RBFOX1: variants seen among roughly 807,000 people sequenced by gnomAD.
The protein encoded by RBFOX1 is RNA binding fox-1 homolog 1.
RBFOX1 carries 8 observed loss-of-function variants against 57.7 expected under a neutral mutation model. The ratio of observed to expected loss-of-function variants is 0.14; its 90% CI spans 0.08 to 0.25. RBFOX1 has a LOEUF of 0.25. Among genes scored for constraint, RBFOX1 ranks in the 10% least tolerant of loss-of-function variants. The pLI, the probability that RBFOX1 is intolerant of heterozygous loss-of-function variation, is 1.00. For synonymous variants in RBFOX1, 326 were observed against 222.4 expected (o/e 1.47, Z -4.15); for missense variants, 611 against 548.5 (o/e 1.11, Z -1.14).
intron 3 of RBFOX1, among the ~76,000 whole-genome samples, chr16:6,969,593 A>T (rs961575388): frequency 2.0e-5 from 3 of 151,936 alleles, no homozygotes; most frequent in African/African-American, 7.3e-5. Flanking sequence ...ATAAAAAAAA[A>T]ATTAGTTGGG....
chr16:5,738,735 G>A (rs891653390), intron 3 of RBFOX1, among the ~76,000 whole-genome samples: 1 of 151,976 alleles, frequency 6.6e-6, no homozygotes, highest in African/African-American at 2.4e-5. Context: ...ATTTGAATTG[G>A]GAGCTGGAGT....
intron 4 of RBFOX1, among the ~76,000 whole-genome samples, chr16:6,012,531 C>T (rs571697259): frequency 6.6e-6 from 1 of 152,262 alleles, no homozygotes; most frequent in East Asian, 1.9e-4. Flanking sequence ...CCCAGGGAGT[C>T]CCTCCACAGC....
intron 1 of RBFOX1, among the ~76,000 whole-genome samples, chr16:5,385,126 T>C (rs550003821): frequency 5.9e-5 from 9 of 152,370 alleles, no homozygotes; most frequent in African/African-American, 2.2e-4. Flanking sequence ...AAATATGTAT[T>C]ATGTGCTTAC....
chr16:6,460,362 G>T (rs1051258764), intron 2 of RBFOX1, among the ~76,000 whole-genome samples: 4 of 151,726 alleles, frequency 2.6e-5, no homozygotes, highest in Non-Finnish European at 5.9e-5. Context: ...TCTGACAAAG[G>T]TCTAATATCC....
At chr16:5,594,196 C>G (rs2047106221) in intron 2 of RBFOX1, among the ~76,000 whole-genome samples, 1 of 152,132 alleles carries the variant, frequency 6.6e-6, no homozygotes, top group African/African-American at 2.4e-5. Context: ...TTCTGTTAAC[C>G]TGTAGGATGG....
intron 2 of RBFOX1, among the ~76,000 whole-genome samples, chr16:6,646,547 A>G (rs988369899): frequency 2.6e-5 from 4 of 152,040 alleles, no homozygotes; most frequent in East Asian, 1.9e-4. Flanking sequence ...GTTGATTAAC[A>G]CCTGCCACTT....
chr16:6,475,943 T>G (rs561346725), intron 2 of RBFOX1, among the ~76,000 whole-genome samples: 14 of 152,320 alleles, frequency 9.2e-5, no homozygotes, highest in African/African-American at 2.9e-4. Context: ...AACGTCTTTT[T>G]TTCCCCCTAT....
intron 4 of RBFOX1, among the ~76,000 whole-genome samples, chr16:7,100,483 T>G (rs924738135): frequency 6.6e-6 from 1 of 151,956 alleles, no homozygotes; most frequent in Non-Finnish European, 1.5e-5. Context: ...AATCATACTA[T>G]AAACATATTT....
At chr16:6,913,264 A>T (rs1290839236) in intron 3 of RBFOX1, among the ~76,000 whole-genome samples, 1 of 152,146 alleles carries the variant, frequency 6.6e-6, no homozygotes, top group South Asian at 2.1e-4. Context: ...ATAAAGTAGC[A>T]CTTTTAATTC....
chr16:6,837,917 C>G (rs541105038), intron 3 of RBFOX1, among the ~76,000 whole-genome samples: 261 of 152,080 alleles, frequency 1.7e-3, no homozygotes, highest in Non-Finnish European at 3.3e-3. Context: ...TTACTGTCAC[C>G]ATGGCAACAG....
At chr16:5,313,732 A>G (rs922254049) in intron 1 of RBFOX1, among the ~76,000 whole-genome samples, 5 of 152,184 alleles carry the variant, frequency 3.3e-5, no homozygotes, top group African/African-American at 4.8e-5. Flanking sequence ...CTTATTCACT[A>G]TTGCGAGAAC....
intron 2 of RBFOX1, among the ~76,000 whole-genome samples, chr16:6,442,343 G>A (rs1355285900): frequency 3.3e-5 from 5 of 152,118 alleles, no homozygotes; most frequent in African/African-American, 9.7e-5. Context: ...GGATCACGAG[G>A]TCAAGAGATT....
intron 2 of RBFOX1, among the ~76,000 whole-genome samples, chr16:6,521,224 G>T (rs969655498): frequency 6.6e-6 from 1 of 151,990 alleles, no homozygotes; most frequent in East Asian, 1.9e-4. Flanking sequence ...ATTATGACAG[G>T]GAAGCCTAGG....
intron 2 of RBFOX1, among the ~76,000 whole-genome samples, chr16:5,468,095 C>G (rs917457923): frequency 6.6e-6 from 1 of 152,172 alleles, no homozygotes; most frequent in Non-Finnish European, 1.5e-5. Context: ...CCTCCCACCC[C>G]TCTTACTGTC....
At chr16:6,041,586 A>G (rs919440481) in intron 1 of RBFOX1, among the ~76,000 whole-genome samples, 1 of 152,168 alleles carries the variant, frequency 6.6e-6, no homozygotes, top group African/African-American at 2.4e-5. Context: ...CTGAAGCCAC[A>G]TACCTCATAA....
intron 1 of RBFOX1, among the ~76,000 whole-genome samples, chr16:6,056,734 T>C (rs1182162040): frequency 6.6e-6 from 1 of 152,194 alleles, no homozygotes; most frequent in Non-Finnish European, 1.5e-5. Context: ...TGAAATTGTC[T>C]AGGAGAGGTA....
intron 4 of RBFOX1, among the ~76,000 whole-genome samples, chr16:7,437,944 A>G (rs1035363321): frequency 2.0e-5 from 3 of 152,020 alleles, no homozygotes; most frequent in Non-Finnish European, 4.4e-5. Flanking sequence ...ATCAATTTAA[A>G]TTCTTTTAAA....
chr16:6,714,725 A>G (rs2064422752), intron 3 of RBFOX1, among the ~76,000 whole-genome samples: 1 of 152,078 alleles, frequency 6.6e-6, no homozygotes. Context: ...GGTGGCTTCA[A>G]GGTGTTGCAT....
intron 3 of RBFOX1, among the ~76,000 whole-genome samples, chr16:6,711,846 T>A (rs1363840144): frequency 2.0e-5 from 3 of 152,166 alleles, no homozygotes; most frequent in Non-Finnish European, 4.4e-5. Context: ...CAGGTACCCC[T>A]AGGTCTTATT....
Sources: gnomAD v4.1 joint callset for allele counts (sites outside exome capture counted in the v4.1 genomes callset) on GRCh38, gnomAD v4.1.1 for gene constraint, MANE v1.5 for transcripts, NCBI Gene and HGNC (gene_info 2026-07-23, HGNC 2026-07-21) for gene names.